The following PLCG2 variants were observed in gnomAD, a reference collection of about 807,000 sequenced individuals.
PLCG2 encodes phospholipase C gamma 2, also known as 1-phosphatidylinositol 4,5-bisphosphate phosphodiesterase gamma-2.
A neutral mutation model predicts 175.6 loss-of-function variants in PLCG2; 69 were observed. The ratio of observed to expected loss-of-function variants is 0.39; its 90% CI spans 0.32 to 0.48. The LOEUF is 0.48. PLCG2 is among the 20% of genes least tolerant of loss of function. The pLI is 0.91. For synonymous variants in PLCG2, 827 were observed against 624.0 expected (o/e 1.33, Z -4.85); for missense variants, 1,798 against 1,650.9 (o/e 1.09, Z -1.54).
chr16:81,783,552 G>C (rs1473635447), intron 1 of PLCG2, among the ~76,000 whole-genome samples: 1 of 152,204 alleles, frequency 6.6e-6, no homozygotes, highest in Non-Finnish European at 1.5e-5. Context: ...TCAGGTGAGG[G>C]TTTTGATCTT....
intron 2 of PLCG2, among the ~76,000 whole-genome samples, chr16:81,818,883 ATTTTTTTT>A (rs57346304): frequency 5.6e-5 from 6 of 106,642 alleles, no homozygotes; most frequent in African/African-American, 8.0e-5. Context: ...GGGCTCATGG[ATTTTTTTT>A]TTTTTTTTTT....
rs1157731599 is a variant in PLCG2 at position 81,802,093 on chromosome 16, C to CTTTTTTTTTTTTTTTTTTTTTTTTTTTT, written c.193+15922_193+15949dup. ...GTTAGCTCCTTCAGGTGAGTACAGT[C>CTTTTTTTTTTTTTTTTTTTTTTTTTTTT]TTTTTTTTTTTTTTTTTTTTTTTTT... is the stretch of plus-strand genomic sequence containing the variant. On this transcript the variant is annotated intron_variant, in intron 2 of 32. Transcript: ENST00000564138. Among the ~76,000 whole-genome samples, 2 of 40,016 alleles carry CTTTTTTTTTTTTTTTTTTTTTTTTTTTT rather than the reference C, an allele frequency of 5.0e-5. 1 individual carries two copies. Among genetic ancestry groups the CTTTTTTTTTTTTTTTTTTTTTTTTTTTT allele is most frequent in the Non-Finnish European group, 8.8e-5 (2 of 22,662 alleles). 26.3% of individuals were successfully genotyped at this position (40,016 alleles called of 152,430 possible). A position where few individuals can be genotyped will look rare whatever the true frequency, so the allele number is the denominator to read the frequency against.
intron 3 of PLCG2, 81 bp downstream of exon 3, chr16:81,854,668 A>T (rs998769660): frequency 5.5e-6 from 7 of 1,269,244 alleles, no homozygotes; most frequent in Non-Finnish European, 6.8e-6. Flanking sequence ...CAGAATGCTC[A>T]CCCCTGCCTG....
intron 7 of PLCG2, among the ~76,000 whole-genome samples, chr16:81,876,528 C>T (rs1269004971): frequency 6.6e-6 from 1 of 152,218 alleles, no homozygotes; most frequent in Non-Finnish European, 1.5e-5. Context: ...ATGGCCCCTT[C>T]TCTTGTCCAG....
chr16:81,878,897 G>C (rs868147207), intron 7 of PLCG2, among the ~76,000 whole-genome samples: 4 of 152,058 alleles, frequency 2.6e-5, no homozygotes, highest in Non-Finnish European at 5.9e-5. Context: ...CGTCCCAGGG[G>C]CCAATTCCTG....
chr16:81,915,855 C>T (rs889865224), intron 19 of PLCG2, among the ~76,000 whole-genome samples: 2 of 152,144 alleles, frequency 1.3e-5, no homozygotes, highest in African/African-American at 4.8e-5. Flanking sequence ...ATGAATATTG[C>T]AGGAGGATAT....
intron 1 of PLCG2, chr16:81,785,706 C>T (rs893436179): frequency 6.8e-6 from 2 of 292,714 alleles, no homozygotes; most frequent in South Asian, 4.7e-5. Context: ...TATTCAAAGC[C>T]CACGTAACGG....
intron 21 of PLCG2, chr16:81,921,613 C>G (rs1355623904): frequency 1.1e-5 from 4 of 363,712 alleles, no homozygotes; most frequent in Non-Finnish European, 1.6e-5. Context: ...GTTCACTGAC[C>G]TCCTTGCAGT....
intron 6 of PLCG2, among the ~76,000 whole-genome samples, chr16:81,870,327 G>A (rs531122996): frequency 2.0e-5 from 3 of 152,200 alleles, no homozygotes; most frequent in African/African-American, 7.2e-5. Context: ...GGGTTTGAAA[G>A]GGTCAAGGAA....
At chr16:81,899,915 G>C (rs1285459738) in intron 13 of PLCG2, among the ~76,000 whole-genome samples, 1 of 152,156 alleles carries the variant, frequency 6.6e-6, no homozygotes, top group African/African-American at 2.4e-5. Context: ...CGCTCAAAAG[G>C]CCCTGATCCT....
chr16:81,950,291 T>A (rs1911315266), intron 31 of PLCG2, among the ~76,000 whole-genome samples: 1 of 152,134 alleles, frequency 6.6e-6, no homozygotes, highest in South Asian at 2.1e-4. Flanking sequence ...AAAGTTAACA[T>A]CAATCTAGAA....
chr16:81,797,515 C>T (rs1911522707), intron 2 of PLCG2, among the ~76,000 whole-genome samples: 1 of 152,190 alleles, frequency 6.6e-6, no homozygotes, highest in African/African-American at 2.4e-5. Context: ...ACTAAGAGTG[C>T]TGGGAGGCCA....
intron 2 of PLCG2, among the ~76,000 whole-genome samples, chr16:81,824,908 A>G (rs540268503): frequency 7.2e-5 from 11 of 152,352 alleles, no homozygotes; most frequent in African/African-American, 2.2e-4. Context: ...AGGTAGGCCC[A>G]ATGTAATTAC....
At chr16:81,844,143 A>ATTTT (rs60183943) in intron 2 of PLCG2, among the ~76,000 whole-genome samples, 1,098 of 93,818 alleles carry the variant, frequency 0.012, 6 homozygotes, top group Non-Finnish European at 0.017. Context: ...CACCCGGCTG[A>ATTTT]TTTTTTTTTT....
At chr16:81,883,218 C>T (rs1488405780) in intron 8 of PLCG2, 51 bp from the exon 9 acceptor site, 11 of 1,538,576 alleles carry the variant, frequency 7.1e-6, no homozygotes, top group Non-Finnish European at 9.9e-6. Flanking sequence ...CCTCTCGACT[C>T]CTCTGTTGAA....
At chr16:81,798,635 G>A (rs1407701775) in intron 2 of PLCG2, 2 of 152,446 alleles carry the variant, frequency 1.3e-5, no homozygotes, top group South Asian at 2.1e-4. Flanking sequence ...GGAGGCCAGG[G>A]GTAGGCGTGA....
chr16:81,785,806 G>A lies in PLCG2; in HGVS notation c.-47-137G>A, dbSNP rs948301547. The A allele has an allele frequency of 1.2e-5, 7 of 584,798 alleles. No homozygotes were observed. The African/African-American group carries it at 1.3e-4, about 11-fold the overall frequency. The allele number at this position is 584,798 out of a possible 1,614,324, so 36.2% of individuals were successfully genotyped here. Reference sequence around the variant, plus strand: ...CTTAGCTCTCTGAGTGGCCAGCGATGCCTTGCCACTAGAACCTTCTCCTAA... The same window carrying A: ...CTTAGCTCTCTGAGTGGCCAGCGATACCTTGCCACTAGAACCTTCTCCTAA... On this transcript the variant is annotated intron_variant, in intron 1 of 32. Coordinates refer to ENST00000564138, the MANE Select transcript of PLCG2 (RefSeq NM_002661.5).
chr16:81,752,814 G>T (rs575584753), intron 1 of PLCG2, among the ~76,000 whole-genome samples: 1 of 152,212 alleles, frequency 6.6e-6, no homozygotes, highest in African/African-American at 2.4e-5. Context: ...GCACCTCCCC[G>T]GTGAGTGGCT....
At position 81,927,299 on chromosome 16, in the gene PLCG2, T is replaced by C. The variant is rs1230396631; in HGVS notation, c.2514+121T>C. 4.3e-6 allele frequency: 3 copies of C among 702,070 alleles called. No individual in the cohort carries two copies. The East Asian group carries it at 7.7e-5, about 18-fold the overall frequency. 43.5% of individuals were successfully genotyped at this position (702,070 alleles called of 1,614,324 possible). A position where few individuals can be genotyped will look rare whatever the true frequency, so the allele number is the denominator to read the frequency against. ...GTGCTGCTTGTGGTCTCTGTGGAGC[T>C]CTGGATCAGGGAAGACACAGTGATG... On this transcript the variant is annotated intron_variant, in intron 23 of 32. Transcript: ENST00000564138.
Sources: allele counts gnomAD v4.1 joint callset (sites outside exome capture counted in the v4.1 genomes callset), GRCh38; gene constraint gnomAD v4.1.1; transcripts MANE v1.5; gene names NCBI Gene and HGNC (gene_info 2026-07-23, HGNC 2026-07-21).